DLC1: variants seen among roughly 807,000 people sequenced by gnomAD.
DLC1 encodes the protein DLC1 Rho GTPase activating protein, also known as rho GTPase-activating protein 7.
DLC1 carries 54 observed loss-of-function variants against 140.3 expected under a neutral mutation model. That is an observed-to-expected ratio of 0.38 (90% CI 0.31 to 0.48). DLC1 has a LOEUF of 0.48. Ranked by LOEUF, DLC1 falls within the 20% of genes least tolerant of loss-of-function variation. DLC1 has a pLI of 0.96. For synonymous variants in DLC1, 986 were observed against 728.1 expected (o/e 1.35, Z -5.70); for missense variants, 2,536 against 1,907.0 (o/e 1.33, Z -6.14).
Position 13,499,034 on chromosome 8 carries a change from G to C in DLC1, c.1023+15C>G, listed in dbSNP as rs746986697. On this transcript the variant is annotated intron_variant, in intron 2 of 17. Transcript: ENST00000276297. ...CAAAATTTCAAAAGCCAGAGAATCT[G>C]TGCATATGTCTTACCTTTCTCTTAC... is the stretch of plus-strand genomic sequence containing the variant. 58 of 1,589,086 alleles carry C rather than the reference G, an allele frequency of 3.6e-5. No homozygotes were observed. Among genetic ancestry groups the C allele is most frequent in the Non-Finnish European group, 4.8e-5 (56 of 1,170,362 alleles).
chr8:13,362,450 G>A (rs1045281777), intron 4 of DLC1, among the ~76,000 whole-genome samples: 48 of 152,082 alleles, frequency 3.2e-4, no homozygotes, highest in Non-Finnish European at 1.8e-4. Context: ...GCCCAATAGT[G>A]GAATGATTTT....
At chr8:13,116,013 G>A (rs1585670840) in intron 5 of DLC1, 1 of 415,608 alleles carries the variant, frequency 2.4e-6, no homozygotes, top group Non-Finnish European at 3.3e-6. Context: ...AAGCCTGGCC[G>A]GCCTATTGTA....
chr8:13,119,603 T>A (rs1471363122), intron 5 of DLC1, among the ~76,000 whole-genome samples: 3 of 152,148 alleles, frequency 2.0e-5, no homozygotes, highest in Non-Finnish European at 4.4e-5. Flanking sequence ...TACTAATATC[T>A]CTGAGATAAA....
intron 4 of DLC1, among the ~76,000 whole-genome samples, chr8:13,321,607 T>C (rs1163131669): frequency 7.0e-6 from 1 of 142,372 alleles, no homozygotes; most frequent in African/African-American, 2.6e-5. Flanking sequence ...GTAAAGAGAA[T>C]GTCCCCAATG....
At chr8:13,588,632 G>A (rs564772916) in intron 1 of DLC1, among the ~76,000 whole-genome samples, 1 of 152,122 alleles carries the variant, frequency 6.6e-6, no homozygotes, top group South Asian at 2.1e-4. Flanking sequence ...AGTCTTAAAT[G>A]AAAGTTCAAA....
At chr8:13,508,217 A>G (rs988561936) in intron 1 of DLC1, among the ~76,000 whole-genome samples, 13 of 152,158 alleles carry the variant, frequency 8.5e-5, no homozygotes. Context: ...CTTACCACCC[A>G]CTTTATGGCT....
At chr8:13,262,600 C>T (rs74659275) in intron 5 of DLC1, among the ~76,000 whole-genome samples, 9,764 of 152,212 alleles carry the variant, frequency 0.064, 436 homozygotes, top group South Asian at 0.095. Context: ...TGTCCTGGCA[C>T]TCAGGCAGGA....
intron 1 of DLC1, among the ~76,000 whole-genome samples, chr8:13,569,080 C>G (rs938641472): frequency 2.0e-5 from 3 of 152,082 alleles, no homozygotes; most frequent in Admixed American, 1.3e-4. Flanking sequence ...AATGAGGAAA[C>G]AGTATTATTC....
At chr8:13,581,161 C>A (rs13254681) in intron 1 of DLC1, among the ~76,000 whole-genome samples, 55,495 of 152,130 alleles carry the variant, frequency 0.36, 11,082 homozygotes, top group South Asian at 0.57. Context: ...CTCATTCAGT[C>A]AGGGTCAAAT....
At chr8:13,570,892 A>G (rs1025924365) in intron 1 of DLC1, among the ~76,000 whole-genome samples, 1 of 152,070 alleles carries the variant, frequency 6.6e-6, no homozygotes, top group African/African-American at 2.4e-5. Flanking sequence ...AGACTAACCT[A>G]CCAGACCCCT....
intron 14 of DLC1, 55 bp from the exon 15 acceptor site, chr8:13,090,525 A>G: frequency 1.3e-6 from 2 of 1,590,296 alleles, no homozygotes; most frequent in Non-Finnish European, 1.7e-6. Context: ...CTCAATCTCA[A>G]TGCCCATCAG....
At chr8:13,259,919 G>C (rs1224549763) in intron 5 of DLC1, among the ~76,000 whole-genome samples, 1 of 151,986 alleles carries the variant, frequency 6.6e-6, no homozygotes, top group African/African-American at 2.4e-5. Flanking sequence ...AAATCAGTAA[G>C]TGCTATAAGA....
At chr8:13,301,108 G>A (rs1832174162) in intron 5 of DLC1, among the ~76,000 whole-genome samples, 1 of 152,118 alleles carries the variant, frequency 6.6e-6, no homozygotes, top group African/African-American at 2.4e-5. Context: ...TGTGGATACA[G>A]GAGGATAATG....
chr8:13,242,600 C>A (rs1454273629), intron 5 of DLC1, among the ~76,000 whole-genome samples: 1 of 151,970 alleles, frequency 6.6e-6, no homozygotes, highest in Non-Finnish European at 1.5e-5. Context: ...TGCCGTTTGC[C>A]CAGGCTGATC....
chr8:13,583,045 C>G (rs1805171738), intron 1 of DLC1, among the ~76,000 whole-genome samples: 1 of 151,554 alleles, frequency 6.6e-6, no homozygotes, highest in African/African-American at 2.4e-5. Flanking sequence ...AGGGTCCTGC[C>G]TTGATGTTGA....
At chr8:13,314,344 A>G (rs1832787068) in intron 4 of DLC1, among the ~76,000 whole-genome samples, 1 of 149,284 alleles carries the variant, frequency 6.7e-6, no homozygotes, top group Non-Finnish European at 1.5e-5. Flanking sequence ...TGTGTAATAT[A>G]CATGTAATAT....
chr8:13,289,423 C>T (rs913414087), intron 5 of DLC1, among the ~76,000 whole-genome samples: 2 of 152,110 alleles, frequency 1.3e-5, no homozygotes, highest in African/African-American at 2.4e-5. Context: ...AACTCATGGC[C>T]TCAAGTGATC....
At chr8:13,409,045 C>T (rs1394288278) in intron 2 of DLC1, among the ~76,000 whole-genome samples, 5 of 151,564 alleles carry the variant, frequency 3.3e-5, no homozygotes, top group Non-Finnish European at 7.4e-5. Flanking sequence ...ATTGACCTGA[C>T]TTCTGTCTAC....
At chr8:13,527,014 T>C (rs1293123941) in intron 1 of DLC1, among the ~76,000 whole-genome samples, 2 of 152,238 alleles carry the variant, frequency 1.3e-5, no homozygotes, top group Non-Finnish European at 2.9e-5. Flanking sequence ...AGTATGCTGC[T>C]GACTTGCAAA....
Sources: allele counts gnomAD v4.1 joint callset (sites outside exome capture counted in the v4.1 genomes callset), GRCh38; gene constraint gnomAD v4.1.1; transcripts MANE v1.5; gene names NCBI Gene and HGNC (gene_info 2026-07-23, HGNC 2026-07-21).